SLC49A3: variants seen among roughly 807,000 people sequenced by gnomAD.
SLC49A3 encodes the protein solute carrier family 49 member 3.
SLC49A3 carries 50 observed loss-of-function variants against 43.8 expected under a neutral mutation model. The ratio of observed to expected loss-of-function variants is 1.14; its 90% CI spans 0.91 to 1.45. The LOEUF (loss-of-function observed/expected upper bound fraction) is 1.45. Among genes scored for constraint, SLC49A3 ranks in the 40% most tolerant of loss-of-function variants. SLC49A3 has a pLI of 0.00. For missense variants in SLC49A3, 906 were observed against 774.1 expected (o/e 1.17, Z -2.02); for synonymous variants, 413 against 352.0 (o/e 1.17, Z -1.94).
At chr4:683,169 G>A in intron 8 of SLC49A3, 41 bp downstream of exon 8, 1 of 1,611,010 alleles carries the variant, frequency 6.2e-7, no homozygotes, top group Non-Finnish European at 8.5e-7. Flanking sequence ...GGAGCAAGGG[G>A]AGTATCTCTG....
chr4:677,386 G>A (rs1738947938), downstream of SLC49A3, among the ~76,000 whole-genome samples: 1 of 152,174 alleles, frequency 6.6e-6, no homozygotes, highest in Non-Finnish European at 1.5e-5. Flanking sequence ...CAGGGCCCTA[G>A]AGTCCCCCTC....
rs1202278266 is a variant in SLC49A3 at position 681,896 on chromosome 4, G to A, written c.*62C>T. 1 of 1,315,880 alleles carries A rather than the reference G, an allele frequency of 7.6e-7. No individual in the cohort carries two copies. The highest frequency in any genetic ancestry group is 9.8e-7 in the Non-Finnish European group (1 of 1,023,012). 81.5% of individuals were successfully genotyped at this position (1,315,880 alleles called of 1,614,324 possible). A position where few individuals can be genotyped will look rare whatever the true frequency, so the allele number is the denominator to read the frequency against. On this transcript the variant is annotated 3_prime_UTR_variant, in exon 10 of 10. Coordinates refer to ENST00000322224, the MANE Select transcript of SLC49A3 (RefSeq NM_032219.4). ...GCCCTTTCGCCCCCGCCCGCAGGTG[G>A]ACCAGATGTTCCAGTTCGCCTCCAT...
chr4:678,923 G>A (rs1739138967), downstream of SLC49A3: 4 of 1,611,964 alleles, frequency 2.5e-6, no homozygotes, highest in Non-Finnish European at 3.4e-6. Flanking sequence ...GCCCAGCCGG[G>A]TTGGCAGCAC....
downstream of SLC49A3, chr4:681,758 C>T (rs1020685630): frequency 3.5e-6 from 4 of 1,148,352 alleles, no homozygotes; most frequent in South Asian, 4.5e-5. Context: ...CCCTCCAGCG[C>T]CGCCCTCACC....
Position 682,111 on chromosome 4 carries a change from TGGGTG to T in SLC49A3, c.1522_1526del (p.His508SerfsTer35). ...CACGGGGAGTCGCTCGGTGGCAGGC[TGGGTG>T]GGGGCTCCCGGGCCCTCTGGGGTCC... On this transcript the variant is annotated frameshift_variant, in exon 10 of 10. Coordinates refer to ENST00000322224, the MANE Select transcript of SLC49A3 (RefSeq NM_032219.4). LOFTEE classifies it low-confidence loss of function (END_TRUNC). The T allele has an allele frequency of 7.3e-7, 1 of 1,364,298 alleles. No individual in the cohort carries two copies. Among genetic ancestry groups the T allele is most frequent in the Non-Finnish European group, 9.6e-7 (1 of 1,046,944 alleles). The allele number at this position is 1,364,298 out of a possible 1,614,324, so 84.5% of individuals were successfully genotyped here.
intron 8 of SLC49A3, 100 bp from the exon 9 acceptor site, chr4:682,990 C>T: frequency 8.4e-7 from 1 of 1,196,354 alleles, no homozygotes; most frequent in Non-Finnish European, 1.2e-6. Flanking sequence ...CCTTGTGCCA[C>T]CACCCTCCTG....
Position 686,516 on chromosome 4 carries a change from G to A in SLC49A3, c.294+16C>T, listed in dbSNP as rs754139686. On this transcript the variant is annotated intron_variant, in intron 2 of 9. Transcript: ENST00000322224. ...GCACTGTCCCGGAGCGGGCCATGGT[G>A]TGGGGTCTGACTCACCGCCGCACGG... The A allele has an allele frequency of 1.9e-6, 3 of 1,610,416 alleles. No individual in the cohort carries two copies. The highest frequency in any genetic ancestry group is 3.3e-5 in the Admixed American group (2 of 59,940).
chr4:689,738 C>T (rs895389074), upstream of SLC49A3, among the ~76,000 whole-genome samples: 2 of 152,214 alleles, frequency 1.3e-5, no homozygotes, highest in Non-Finnish European at 2.9e-5. Flanking sequence ...ACACACGCAC[C>T]GGATTGTTAC....
Position 683,726 on chromosome 4 carries a change from C to G in SLC49A3, c.876G>C (p.Thr292=). ...FSGLCGALFI[T]FGILGALALG... ...GAGCCAGTGCCCCCAGGATCCCAAA[C>G]GTGATGAAGAGAGCGCCACAGAGGC... is the stretch of plus-strand genomic sequence containing the variant. The change falls in exon 7 of 10, where the codon ACG becomes ACC. Residue 292 remains threonine, a synonymous_variant. Transcript: ENST00000322224. 1 of 1,587,872 alleles carries G rather than the reference C, an allele frequency of 6.3e-7. No individual in the cohort carries two copies. Among genetic ancestry groups the G allele is most frequent in the African/African-American group, 1.3e-5 (1 of 74,648 alleles).
chr4:688,557 G>A (rs553615734), intron 1 of SLC49A3, among the ~76,000 whole-genome samples: 6 of 152,318 alleles, frequency 3.9e-5, no homozygotes, highest in Non-Finnish European at 7.4e-5. Flanking sequence ...GGGGCAGGAC[G>A]GAACCCAGCC....
downstream of SLC49A3, chr4:677,004 T>C (rs1046228944): frequency 1.1e-6 from 1 of 875,162 alleles, no homozygotes; most frequent in African/African-American, 1.8e-5. Context: ...GACATGCAAG[T>C]GGCACCTGTC....
At chr4:680,732 G>T, downstream of SLC49A3, 1 of 829,868 alleles carries the variant, frequency 1.2e-6, no homozygotes, top group South Asian at 1.7e-5. Context: ...GCGAACCCAG[G>T]ATCCCAGCTG....
In SLC49A3 at chr4:682,844, C is replaced by T; in HGVS notation, c.1198G>A (p.Val400Met). 1 of 1,605,654 alleles carries T rather than the reference C, an allele frequency of 6.2e-7. No individual in the cohort carries two copies. Reference protein sequence around the residue: ...LIMLAMTALTVRRSEPSLSTC... With the variant: ...LIMLAMTALTMRRSEPSLSTC... ...GACAAGGACGGCTCCGAGCGTCGCA[C>T]AGTCAGTGCCGTCATTGCCAGCATG... The change falls in exon 9 of 10, where the codon GTG becomes ATG. Residue 400 changes from valine (V) to methionine (M), a missense_variant. Physicochemically the swap from Val to Met is conservative, Grantham distance 21. Coordinates refer to ENST00000322224, the MANE Select transcript of SLC49A3 (RefSeq NM_032219.4).
downstream of SLC49A3, chr4:678,888 A>G: frequency 6.2e-7 from 1 of 1,609,490 alleles, no homozygotes; most frequent in African/African-American, 1.3e-5. Flanking sequence ...GGTGCTGAGG[A>G]ACCGGGAGCA....
chr4:678,049 T>C (rs1194731081), downstream of SLC49A3: 2 of 1,612,992 alleles, frequency 1.2e-6, no homozygotes, highest in African/African-American at 1.3e-5. Flanking sequence ...CCGCCGTGCA[T>C]GCCTGGGGCA....
chr4:680,016 G>A (rs747055658), downstream of SLC49A3: 1 of 1,611,638 alleles, frequency 6.2e-7, no homozygotes, highest in Non-Finnish European at 8.5e-7. Context: ...GAGAAGCTGA[G>A]CGGTGAGCAC....
Position 685,147 on chromosome 4 carries a change from C to G in SLC49A3, c.586-291G>C. 2.0e-6 allele frequency: 1 copy of G among 495,514 alleles called. No homozygotes were observed. The highest frequency in any genetic ancestry group is 2.5e-5 in the South Asian group (1 of 40,112). 30.7% of individuals were successfully genotyped at this position (495,514 alleles called of 1,614,324 possible). On this transcript the variant is annotated intron_variant, in intron 4 of 9. Coordinates refer to ENST00000322224, the MANE Select transcript of SLC49A3 (RefSeq NM_032219.4). This position sits in a 1 kb window ranked among gnomAD's most constrained non-coding sequence, Gnocchi z 4.3. Reference sequence around the variant, plus strand: ...TTACATCTCACTGCCAGCTGCACAGCCCATGATAGGGCTCAACACACAGAC... The same window carrying G: ...TTACATCTCACTGCCAGCTGCACAGGCCATGATAGGGCTCAACACACAGAC...
chr4:680,890 C>T, downstream of SLC49A3: 1 of 668,238 alleles, frequency 1.5e-6, no homozygotes, highest in Admixed American at 2.7e-5. Flanking sequence ...CCTTCCGGCT[C>T]TGTCCCCATC....
intron 1 of SLC49A3, among the ~76,000 whole-genome samples, chr4:687,048 CAGGCCAGCCCCACCCA>C (rs1284000725): frequency 6.6e-6 from 1 of 152,226 alleles, no homozygotes; most frequent in Non-Finnish European, 1.5e-5. Context: ...TCTGGGACTG[CAGGCCAGCCCCACCCA>C]AGGCCAGCCT....
Sources: allele counts gnomAD v4.1 joint callset (sites outside exome capture counted in the v4.1 genomes callset), GRCh38; gene constraint gnomAD v4.1.1; non-coding constraint Gnocchi (gnomAD v3.1); transcripts MANE v1.5; gene names NCBI Gene and HGNC (gene_info 2026-07-23, HGNC 2026-07-21).